Variants in SPATA31H1 observed in about 807,000 individuals in gnomAD.
SPATA31H1 encodes the protein SPATA31 subfamily H member 1.
the SPATA31H1 span, among the ~76,000 whole-genome samples, chr2:27,548,687 T>C: frequency 6.6e-6 from 1 of 151,838 alleles, no homozygotes; most frequent in Admixed American, 6.6e-5. Context: ...AGATCACAGA[T>C]TGAAATGGAT....
At chr2:27,570,938 G>A in the SPATA31H1 span, 1 of 398,902 alleles carries the variant, frequency 2.5e-6, no homozygotes, top group Non-Finnish European at 4.4e-6. Context: ...ATCATTCTGA[G>A]TTGACCAGAC....
At chr2:27,565,285 C>T in the SPATA31H1 span, 1 of 711,558 alleles carries the variant, frequency 1.4e-6, no homozygotes, top group East Asian at 2.7e-5. Context: ...TCAATAAAGT[C>T]TCTAACCTAG....
At chr2:27,551,655 A>G in the SPATA31H1 span, among the ~76,000 whole-genome samples, 2 of 152,042 alleles carry the variant, frequency 1.3e-5, no homozygotes, top group Admixed American at 1.3e-4. Flanking sequence ...TGCAGTCTTG[A>G]GGCAGAATAC....
the SPATA31H1 span, chr2:27,572,355 C>T: frequency 1.5e-5 from 6 of 398,282 alleles, no homozygotes; most frequent in East Asian, 3.6e-5. Flanking sequence ...GATAACAAGA[C>T]CTGAGTTCCA....
chr2:27,550,411 ATTTTTTTTT>A, the SPATA31H1 span, among the ~76,000 whole-genome samples: 5 of 94,540 alleles, frequency 5.3e-5, no homozygotes, highest in African/African-American at 1.4e-4. Flanking sequence ...TGGGTGTTAA[ATTTTTTTTT>A]TTTTTTTTTT....
At chr2:27,581,578 G>T in the SPATA31H1 span, 1 of 1,464,124 alleles carries the variant, frequency 6.8e-7, no homozygotes, top group Non-Finnish European at 9.2e-7. Context: ...TCTGAGAGAA[G>T]ACATCGCAGT....
the SPATA31H1 span, chr2:27,579,197 G>A: frequency 6.2e-7 from 1 of 1,614,006 alleles, no homozygotes; most frequent in African/African-American, 1.3e-5. Flanking sequence ...ACAATGTCTG[G>A]GAGAGTCATG....
chr2:27,581,184 G>A, the SPATA31H1 span: 2 of 1,614,162 alleles, frequency 1.2e-6, no homozygotes, highest in Non-Finnish European at 1.7e-6. Flanking sequence ...CACACACAAG[G>A]AGCATAACCA....
the SPATA31H1 span, among the ~76,000 whole-genome samples, chr2:27,540,134 G>A: frequency 2.6e-5 from 3 of 116,990 alleles, no homozygotes; most frequent in African/African-American, 9.9e-5. Flanking sequence ...GGCCGGCCGG[G>A]CGGGGGGCTG....
At chr2:27,579,354 T>C in the SPATA31H1 span, 22 of 1,614,060 alleles carry the variant, frequency 1.4e-5, no homozygotes, top group Admixed American at 3.7e-4. Flanking sequence ...TATTCAGAAT[T>C]TATTTGGGAT....
the SPATA31H1 span, among the ~76,000 whole-genome samples, chr2:27,564,230 C>A: frequency 6.6e-6 from 1 of 152,116 alleles, no homozygotes; most frequent in African/African-American, 2.4e-5. Flanking sequence ...ACCTAGAGTA[C>A]AAATTTTCTT....
chr2:27,580,947 G>A, the SPATA31H1 span: 216 of 1,614,076 alleles, frequency 1.3e-4, 1 homozygote, highest in Non-Finnish European at 1.7e-4. Context: ...CAAGCCCACA[G>A]ATTCCCAAAG....
At chr2:27,577,564 A>G in the SPATA31H1 span, 1 of 1,614,164 alleles carries the variant, frequency 6.2e-7, no homozygotes. This position sits in a 1 kb window ranked among gnomAD's most constrained non-coding sequence, Gnocchi z 4.5. Flanking sequence ...CAAGGGGAAG[A>G]ATCTGTGGTA....
chr2:27,550,389 T>C, the SPATA31H1 span, among the ~76,000 whole-genome samples: 4 of 150,920 alleles, frequency 2.7e-5, no homozygotes, highest in Admixed American at 2.0e-4. Flanking sequence ...CTGCAAATAG[T>C]TTTAGTATGA....
the SPATA31H1 span, chr2:27,574,072 G>A: frequency 2.5e-6 from 1 of 398,344 alleles, no homozygotes; most frequent in African/African-American, 2.1e-5. Context: ...TTGACCACAA[G>A]GACCAAGATT....
the SPATA31H1 span, chr2:27,577,969 G>C: frequency 6.2e-7 from 1 of 1,614,086 alleles, no homozygotes; most frequent in South Asian, 1.1e-5. This position sits in a 1 kb window ranked among gnomAD's most constrained non-coding sequence, Gnocchi z 4.5. Flanking sequence ...ACAACCCCAG[G>C]ACCACTGGGT....
At chr2:27,539,052 T>A in the SPATA31H1 span, among the ~76,000 whole-genome samples, 1 of 151,252 alleles carries the variant, frequency 6.6e-6, no homozygotes, top group South Asian at 2.1e-4. Context: ...AGGGACTGAG[T>A]CTATTTTTCC....
At chr2:27,569,948 T>C in the SPATA31H1 span, 1 of 398,886 alleles carries the variant, frequency 2.5e-6, no homozygotes, top group Non-Finnish European at 4.4e-6. Context: ...GTGTGAAATC[T>C]GATGAATTGA....
the SPATA31H1 span, chr2:27,577,008 T>C: frequency 6.2e-7 from 1 of 1,614,088 alleles, no homozygotes; most frequent in Admixed American, 1.7e-5. This position sits in a 1 kb window ranked among gnomAD's most constrained non-coding sequence, Gnocchi z 4.5. Context: ...AATCCCTAAA[T>C]CTGCAAATTT....
Sources: gnomAD v4.1 joint callset for allele counts (sites outside exome capture counted in the v4.1 genomes callset) on GRCh38, gnomAD v4.1.1 for gene constraint, Gnocchi (gnomAD v3.1) non-coding constraint, MANE v1.5 for transcripts, NCBI Gene and HGNC (gene_info 2026-07-23, HGNC 2026-07-21) for gene names.